The following MROH9 variants were observed in gnomAD, a reference collection of about 807,000 sequenced individuals.
MROH9 encodes maestro heat like repeat family member 9.
Under a neutral mutation model 98.2 loss-of-function variants are expected in MROH9, and 92 were observed. That is an observed-to-expected ratio of 0.94 (90% CI 0.79 to 1.11). The LOEUF (loss-of-function observed/expected upper bound fraction) is 1.11, where lower values mean the gene tolerates loss of function less well. MROH9 is among the 50% of genes most tolerant of loss of function. MROH9 has a pLI of 0.00. For missense variants in MROH9, 1,057 were observed against 1,014.8 expected, an observed-to-expected ratio of 1.04 and a Z score of -0.57; for synonymous variants, 397 against 368.9, an observed-to-expected ratio of 1.08 and a Z score of -0.87.
chr1:170,998,056 C>A, intron 14 of MROH9, 98 bp from the exon 15 acceptor site: 1 of 873,330 alleles, frequency 1.1e-6, no homozygotes, highest in Non-Finnish European at 1.8e-6. Context: ...TATCTTTCAT[C>A]TGGGAGGTGC....
chr1:170,959,704 C>G (rs1374848796), intron 5 of MROH9, 107 bp downstream of exon 5: 1 of 999,642 alleles, frequency 1.0e-6, no homozygotes, highest in East Asian at 2.7e-5. Flanking sequence ...CCTCTTCACT[C>G]TTTTTAGTTA....
intron 20 of MROH9, among the ~76,000 whole-genome samples, chr1:171,045,221 C>G (rs113579778): frequency 6.6e-6 from 1 of 151,406 alleles, no homozygotes; most frequent in African/African-American, 2.4e-5. Context: ...AGGATGGTCT[C>G]GATCTCCTGA....
intron 16 of MROH9, 93 bp from the exon 17 acceptor site, chr1:171,016,070 G>A (rs1652316908): frequency 2.3e-6 from 2 of 855,340 alleles, no homozygotes; most frequent in South Asian, 1.1e-4. Context: ...CGCACACCAT[G>A]ATGTGCCGCC....
At chr1:170,982,636 C>T (rs559275436) in intron 8 of MROH9, among the ~76,000 whole-genome samples, 17 of 152,212 alleles carry the variant, frequency 1.1e-4, no homozygotes, top group East Asian at 1.9e-4. Context: ...ACACCTGTAA[C>T]CCCAGCAATT....
Position 170,960,523 on chromosome 1 carries a change from A to G in MROH9, c.288+926A>G, listed in dbSNP as rs559649704. 3.3e-5 allele frequency among the ~76,000 whole-genome samples: 5 copies of G among 152,372 alleles called. No homozygotes were observed. In the South Asian group the frequency reaches 8.3e-4, roughly 25 times the overall value. The stretch of plus-strand genomic sequence containing the variant: ...AGCTACTCACACATGGAAATTTCCA[A>G]TACCCACATAGCATACAATTTCTAG... On this transcript the variant is annotated intron_variant, in intron 5 of 21. Coordinates refer to ENST00000367759, the MANE Select transcript of MROH9 (RefSeq NM_001163629.2).
chr1:171,032,832 C>G (rs1652970418), intron 20 of MROH9, among the ~76,000 whole-genome samples: 1 of 152,178 alleles, frequency 6.6e-6, no homozygotes, highest in African/African-American at 2.4e-5. Context: ...AGGCGGGAAA[C>G]CCACTTGTCT....
At chr1:170,986,442 G>A (rs761172497) in intron 9 of MROH9, 119 bp from the exon 10 acceptor site, 43 of 898,556 alleles carry the variant, frequency 4.8e-5, no homozygotes, top group Non-Finnish European at 6.5e-5. Context: ...GATGTATATG[G>A]CCCACGGAAG....
chr1:170,958,602 T>C, intron 4 of MROH9, 62 bp downstream of exon 4: 1 of 1,132,230 alleles, frequency 8.8e-7, no homozygotes, highest in Non-Finnish European at 1.3e-6. Flanking sequence ...TGTTATATCT[T>C]TAAAAACATG....
At chr1:170,939,291 A>C (rs1032898662) in intron 1 of MROH9, among the ~76,000 whole-genome samples, 4 of 152,184 alleles carry the variant, frequency 2.6e-5, no homozygotes, top group Non-Finnish European at 5.9e-5. Context: ...TTCTCCTTCC[A>C]ATCAAAGTAA....
In MROH9 at chr1:171,025,305, T is replaced by A. The variant is rs1345852381; in HGVS notation, c.2179-13T>A. On this transcript the variant is annotated splice_polypyrimidine_tract_variant and intron_variant, in intron 19 of 21. Transcript: ENST00000367759. ...CAATCGAGTGAGGTGCTTTTTTCCC[T>A]TTTTATTCTCAGATTATTTCTCATA... 2.0e-6 allele frequency: 3 copies of A among 1,504,970 alleles called. No individual in the cohort carries two copies. The highest frequency in any genetic ancestry group is 2.8e-5 in the African/African-American group (2 of 72,090). 93.2% of individuals were successfully genotyped at this position (1,504,970 alleles called of 1,614,324 possible).
At chr1:170,972,829 TACACACACACAC>T (rs3980699) in intron 8 of MROH9, among the ~76,000 whole-genome samples, 161 of 128,680 alleles carry the variant, frequency 1.3e-3, no homozygotes, top group African/African-American at 4.7e-3. Context: ...AAAAAAAAAA[TACACACACACAC>T]ACACACACAC....
chr1:170,961,741 A>C (rs1000885298), intron 5 of MROH9, 149 bp from the exon 6 acceptor site: 2 of 407,714 alleles, frequency 4.9e-6, no homozygotes, highest in Non-Finnish European at 9.0e-6. Context: ...GCATTTTACA[A>C]TTTGATGTTA....
intron 20 of MROH9, among the ~76,000 whole-genome samples, chr1:171,032,923 A>C (rs1652971737): frequency 6.6e-6 from 1 of 152,178 alleles, no homozygotes; most frequent in Non-Finnish European, 1.5e-5. Flanking sequence ...CCCTCTCCTT[A>C]GGGGCTCAGG....
chr1:171,052,810 C>G (rs1653712018), intron 20 of MROH9, among the ~76,000 whole-genome samples: 1 of 152,120 alleles, frequency 6.6e-6, no homozygotes, highest in South Asian at 2.1e-4. Flanking sequence ...GGTGCAGGCT[C>G]CTAATGCAGG....
intron 15 of MROH9, chr1:170,998,537 T>C (rs1173322591): frequency 7.0e-7 from 1 of 1,419,910 alleles, no homozygotes; most frequent in African/African-American, 1.4e-5. Context: ...AATTATTTTT[T>C]AGGACCAGTT....
chr1:171,039,811 G>A (rs1004093476), intron 20 of MROH9, among the ~76,000 whole-genome samples: 3 of 152,174 alleles, frequency 2.0e-5, no homozygotes, highest in East Asian at 1.9e-4. Context: ...AATAAAGGAC[G>A]TCCCACAAAA....
At chr1:171,008,372 AT>A (rs1652033363) in intron 15 of MROH9, among the ~76,000 whole-genome samples, 1 of 152,176 alleles carries the variant, frequency 6.6e-6, no homozygotes, top group Non-Finnish European at 1.5e-5. Context: ...AAGAATTTTT[AT>A]ATCTTGTTCA....
At position 170,989,925 on chromosome 1, in the gene MROH9, A is replaced by G. The variant is rs755845428; in HGVS notation, c.950A>G (p.Gln317Arg). ...AATTGTATGAAGGATGTTATGTTGC[A>G]GGTTATCACTTTGTTGACATGCACT... ...DNNCMKDVMLQVITLLTCTSP... is the reference protein window; with the variant it reads ...DNNCMKDVMLRVITLLTCTSP... The change falls in exon 11 of 22, where the codon CAG becomes CGG. Residue 317 changes from glutamine (Q) to arginine (R), a missense_variant. Gln to Arg is a conservative substitution (Grantham distance 43). Coordinates refer to ENST00000367759, the MANE Select transcript of MROH9 (RefSeq NM_001163629.2). 1 of 1,613,422 alleles carries G rather than the reference A, an allele frequency of 6.2e-7. No homozygotes were observed. Among genetic ancestry groups the G allele is most frequent in the Non-Finnish European group, 8.5e-7 (1 of 1,179,498 alleles).
intron 3 of MROH9, among the ~76,000 whole-genome samples, chr1:170,958,128 T>G (rs949350156): frequency 6.6e-6 from 1 of 151,946 alleles, no homozygotes; most frequent in Non-Finnish European, 1.5e-5. Flanking sequence ...TTTTTATAGG[T>G]AGACTCCACA....
Sources: gnomAD v4.1 joint callset for allele counts (sites outside exome capture counted in the v4.1 genomes callset) on GRCh38, gnomAD v4.1.1 for gene constraint, MANE v1.5 for transcripts, NCBI Gene and HGNC (gene_info 2026-07-23, HGNC 2026-07-21) for gene names.